The following WDR47 variants were observed in gnomAD, a reference collection of about 807,000 sequenced individuals.
WDR47 encodes the protein WD repeat-containing protein 47.
In WDR47, 32 loss-of-function variants were observed where a neutral mutation model predicts 97.2. That is an observed-to-expected ratio of 0.33 (90% CI 0.25 to 0.44). The LOEUF (loss-of-function observed/expected upper bound fraction) is 0.44, where lower values mean the gene tolerates loss of function less well. WDR47 is among the 20% of genes least tolerant of loss of function. WDR47 has a pLI of 1.00. For missense variants in WDR47, 782 were observed against 1,102.3 expected (o/e 0.71, Z 4.11); for synonymous variants, 375 against 373.5 (o/e 1.00, Z -0.05).
At chr1:109,025,561 C>A (rs949234471) in intron 1 of WDR47, among the ~76,000 whole-genome samples, 2 of 151,918 alleles carry the variant, frequency 1.3e-5, no homozygotes, top group African/African-American at 4.8e-5. Context: ...TGGTGAAACC[C>A]CACCTCTACT....
At chr1:108,983,749 A>C (rs1189484077) in intron 10 of WDR47, among the ~76,000 whole-genome samples, 1 of 148,594 alleles carries the variant, frequency 6.7e-6, no homozygotes, top group Non-Finnish European at 1.5e-5. Context: ...ACTCAGAAAC[A>C]AAAAAAATTA....
chr1:109,000,359 A>C (rs984493029), intron 7 of WDR47, among the ~76,000 whole-genome samples: 1 of 151,524 alleles, frequency 6.6e-6, no homozygotes, highest in Non-Finnish European at 1.5e-5. Flanking sequence ...AAATACAAAA[A>C]TTAGCCAGGC....
intron 1 of WDR47, chr1:109,024,986 C>G (rs2102005460): frequency 6.6e-6 from 1 of 152,262 alleles, no homozygotes. Context: ...AGAGGAAGAC[C>G]ATGTCTCTAA....
intron 10 of WDR47, among the ~76,000 whole-genome samples, chr1:108,984,349 T>C (rs1658596307): frequency 6.6e-6 from 1 of 152,196 alleles, no homozygotes; most frequent in Non-Finnish European, 1.5e-5. Context: ...TAAGAAAATG[T>C]ACATGTTTCT....
chr1:108,973,966 G>T (rs1657684741), intron 14 of WDR47, among the ~76,000 whole-genome samples: 1 of 152,168 alleles, frequency 6.6e-6, no homozygotes, highest in Admixed American at 6.5e-5. Context: ...GGCCAATGCA[G>T]GCAGATCGCT....
intron 5 of WDR47, among the ~76,000 whole-genome samples, chr1:109,005,030 G>A (rs1427917592): frequency 6.6e-6 from 1 of 151,974 alleles, no homozygotes; most frequent in African/African-American, 2.4e-5. Flanking sequence ...GACCTCAAGC[G>A]ATCCACACTC....
chr1:108,971,285 C>T lies in WDR47; in HGVS notation c.*145G>A, dbSNP rs758393532. 2.1e-5 allele frequency: 23 copies of T among 1,108,694 alleles called. No homozygotes were observed. Among genetic ancestry groups the T allele is most frequent in the Non-Finnish European group, 2.8e-5 (22 of 783,606 alleles). The allele number at this position is 1,108,694 out of a possible 1,614,324, so 68.7% of individuals were successfully genotyped here. ...TGCGGAATAACACCACCCAACACCTCCTATCAGTGGGATACATGGTAATAA... is the reference window on the plus strand; with the variant it reads ...TGCGGAATAACACCACCCAACACCTTCTATCAGTGGGATACATGGTAATAA... On this transcript the variant is annotated 3_prime_UTR_variant, in exon 15 of 15. Coordinates refer to ENST00000369962, the MANE Select transcript of WDR47 (RefSeq NM_001142551.2).
chr1:108,974,681 G>A lies in WDR47; in HGVS notation c.2472C>T (p.Cys824=). 3.1e-6 allele frequency: 5 copies of A among 1,614,102 alleles called. No individual in the cohort carries two copies. The highest frequency in any genetic ancestry group is 4.2e-6 in the Non-Finnish European group (5 of 1,180,004). Residue 824 remains cysteine, a synonymous_variant, in exon 14 of 15, where the codon TGC becomes TGT. Transcript: ENST00000369962. Reference sequence around the variant, plus strand: ...TTCCTCCTCTTATGTCATACAACATGCAGCTAGAATCTTCTTGACCTGTGG... The same window carrying A: ...TTCCTCCTCTTATGTCATACAACATACAGCTAGAATCTTCTTGACCTGTGG... ...LLATGQEDSS[C]MLYDIRGGRM...
intron 7 of WDR47, among the ~76,000 whole-genome samples, chr1:108,997,759 C>CA (rs35471904): frequency 0.93 from 94,581 of 101,974 alleles, 43,927 homozygotes; most frequent in Non-Finnish European, 0.95. Context: ...GACTCCATCT[C>CA]AAAAAAAAAA....
At position 109,020,245 on chromosome 1, in the gene WDR47, T is replaced by G. The variant is rs537459088; in HGVS notation, c.159-2644A>C. ...TGAACATATTTAGTTGTTTTTTTTT[T>G]TTTTTTTTTGAGACAGAGTCTTGCT... On this transcript the variant is annotated intron_variant, in intron 2 of 14. Transcript: ENST00000369962. Among the ~76,000 whole-genome samples, 85 of 151,752 alleles carry G rather than the reference T, an allele frequency of 5.6e-4. 1 individual carries two copies. Among genetic ancestry groups the G allele is most frequent in the Admixed American group, 3.3e-3 (51 of 15,244 alleles).
intron 8 of WDR47, 100 bp downstream of exon 8, chr1:108,995,480 C>T (rs1659674189): frequency 2.8e-6 from 4 of 1,416,668 alleles, no homozygotes; most frequent in African/African-American, 1.4e-5. Context: ...AGGCAGTAAG[C>T]TCTAAAAACT....
At chr1:108,980,417 C>T (rs1231119366) in intron 13 of WDR47, among the ~76,000 whole-genome samples, 1 of 152,078 alleles carries the variant, frequency 6.6e-6, no homozygotes, top group Non-Finnish European at 1.5e-5. Flanking sequence ...ATAGAATTCT[C>T]TTCTAATTCT....
At chr1:108,985,492 A>G (rs1658718463) in intron 10 of WDR47, among the ~76,000 whole-genome samples, 1 of 152,190 alleles carries the variant, frequency 6.6e-6, no homozygotes, top group Admixed American at 6.5e-5. Flanking sequence ...ATCTTTCTTC[A>G]TAACATTTAC....
intron 2 of WDR47, 149 bp from the exon 3 acceptor site, chr1:109,017,750 A>ATT (rs33990918): frequency 2.0e-3 from 866 of 437,678 alleles, no homozygotes; most frequent in Middle Eastern, 4.1e-3. Flanking sequence ...ATTTTTCATA[A>ATT]TTTTTTTTTT....
At position 108,970,366 on chromosome 1, in the gene WDR47, AAAAT is replaced by A. The variant is rs1426655643; in HGVS notation, c.*1060_*1063del. 6.6e-6 allele frequency: 1 copy of A among 152,666 alleles called. No individual in the cohort carries two copies. Among genetic ancestry groups the A allele is most frequent in the Non-Finnish European group, 1.5e-5 (1 of 68,044 alleles). 9.5% of individuals were successfully genotyped at this position (152,666 alleles called of 1,614,324 possible). On this transcript the variant is annotated 3_prime_UTR_variant, in exon 15 of 15. Coordinates refer to ENST00000369962, the MANE Select transcript of WDR47 (RefSeq NM_001142551.2). ...TAATACAACTGCATTTGAAATAAATAAAATAGCCTATTTAAATAATTTAAAGTAA... is the reference window on the plus strand; with the variant it reads ...TAATACAACTGCATTTGAAATAAATAAGCCTATTTAAATAATTTAAAGTAA...
intron 3 of WDR47, 106 bp downstream of exon 3, chr1:109,017,412 G>A: frequency 1.1e-6 from 1 of 912,344 alleles, no homozygotes; most frequent in African/African-American, 1.7e-5. Context: ...TTTACTCTCT[G>A]TTCAAGGCCA....
chr1:108,986,263 GGAAA>G (rs1658795661), intron 10 of WDR47, among the ~76,000 whole-genome samples: 1 of 151,890 alleles, frequency 6.6e-6, no homozygotes, highest in Non-Finnish European at 1.5e-5. Flanking sequence ...CAAAAGCCAT[GGAAA>G]TAAAGAAGTC....
At chr1:109,040,515 CAA>C (rs201756033) in intron 1 of WDR47, among the ~76,000 whole-genome samples, 3 of 125,606 alleles carry the variant, frequency 2.4e-5, no homozygotes. Flanking sequence ...AAATCCCGTC[CAA>C]AAAAAAAAAA....
intron 5 of WDR47, among the ~76,000 whole-genome samples, chr1:109,010,627 G>C (rs990222619): frequency 1.4e-5 from 2 of 146,418 alleles, no homozygotes; most frequent in Admixed American, 7.0e-5. Flanking sequence ...CTGTGGCCCA[G>C]GCCAGAGTGC....
Sources: gnomAD v4.1 joint callset for allele counts (sites outside exome capture counted in the v4.1 genomes callset) on GRCh38, gnomAD v4.1.1 for gene constraint, MANE v1.5 for transcripts, NCBI Gene and HGNC (gene_info 2026-07-23, HGNC 2026-07-21) for gene names.